The following DLG2 variants were observed in gnomAD, a reference collection of about 807,000 sequenced individuals.
DLG2 encodes disks large homolog 2.
DLG2 carries 45 observed loss-of-function variants against 132.5 expected under a neutral mutation model. The observed-to-expected ratio is 0.34, with a 90% CI of 0.27 to 0.44. The LOEUF (loss-of-function observed/expected upper bound fraction) is 0.44, where lower values mean the gene tolerates loss of function less well. DLG2 is among the 20% of genes least tolerant of loss of function. The pLI is 1.00. For synonymous variants in DLG2, 424 were observed against 419.6 expected, an observed-to-expected ratio of 1.01 and a Z score of -0.13; for missense variants, 1,045 against 1,196.9, an observed-to-expected ratio of 0.87 and a Z score of 1.87.
intron 7 of DLG2, among the ~76,000 whole-genome samples, chr11:84,452,659 G>T (rs1022635618): frequency 4.6e-5 from 7 of 151,608 alleles, no homozygotes; most frequent in Non-Finnish European, 7.4e-5. Flanking sequence ...AAAGAGGAGT[G>T]GCACAGATGA....
chr11:84,999,843 C>G (rs929125881), intron 6 of DLG2, among the ~76,000 whole-genome samples: 3 of 151,980 alleles, frequency 2.0e-5, no homozygotes, highest in African/African-American at 7.3e-5. Flanking sequence ...TTTGCCTAAG[C>G]TTAGGTAAGG....
At chr11:83,776,068 G>T (rs1336140456) in intron 18 of DLG2, among the ~76,000 whole-genome samples, 2 of 151,590 alleles carry the variant, frequency 1.3e-5, no homozygotes. Flanking sequence ...CTCCAGCCTG[G>T]GTGACAGAGC....
In DLG2 at chr11:83,944,010, T is replaced by C. The variant is rs555198969; in HGVS notation, c.1341-13527A>G. On this transcript the variant is annotated intron_variant, in intron 14 of 27. Coordinates refer to ENST00000376104, the MANE Select transcript of DLG2 (RefSeq NM_001142699.3). ...AAATCACCTGCCATATGGTACATAC[T>C]CAGGAAACAACTATATTTATATACC... Among the ~76,000 whole-genome samples the C allele has an allele frequency of 3.3e-5, 5 of 152,312 alleles. No individual in the cohort carries two copies. The East Asian group carries it at 9.6e-4, about 29-fold the overall frequency.
At chr11:85,234,482 G>A (rs543711449) in intron 4 of DLG2, among the ~76,000 whole-genome samples, 3 of 152,042 alleles carry the variant, frequency 2.0e-5, no homozygotes, top group East Asian at 3.9e-4. Context: ...GAACTGCTAC[G>A]TCAAATAGTT....
chr11:84,885,366 C>T (rs901167914), intron 6 of DLG2, among the ~76,000 whole-genome samples: 1 of 151,986 alleles, frequency 6.6e-6, no homozygotes, highest in Non-Finnish European at 1.5e-5. Flanking sequence ...TGGGGTCTTG[C>T]TCTGTCACCC....
At chr11:84,780,195 T>C (rs2071464777) in intron 6 of DLG2, among the ~76,000 whole-genome samples, 1 of 152,122 alleles carries the variant, frequency 6.6e-6, no homozygotes. Flanking sequence ...CATGATCAAA[T>C]GGTTTTTATG....
At chr11:84,207,846 G>T (rs751382182) in intron 8 of DLG2, among the ~76,000 whole-genome samples, 3 of 151,986 alleles carry the variant, frequency 2.0e-5, no homozygotes, top group African/African-American at 7.2e-5. Flanking sequence ...TGTAAGCCAC[G>T]GTCTGGGACA....
chr11:84,703,857 G>GAGATATATATAT (rs1555174775), intron 6 of DLG2, among the ~76,000 whole-genome samples: 1 of 102,714 alleles, frequency 9.7e-6, no homozygotes, highest in African/African-American at 4.1e-5. Context: ...ATGTAGTGAA[G>GAGATATATATAT]ATATATATAT....
chr11:83,941,544 T>C (rs11233824), intron 14 of DLG2, among the ~76,000 whole-genome samples: 31,727 of 151,688 alleles, frequency 0.21, 3,971 homozygotes, highest in African/African-American at 0.35. Context: ...TACAGGTGCG[T>C]GCCCTCATGA....
At chr11:85,445,305 T>C (rs530945096) in intron 3 of DLG2, among the ~76,000 whole-genome samples, 1 of 152,228 alleles carries the variant, frequency 6.6e-6, no homozygotes, top group South Asian at 2.1e-4. Context: ...GTTTAGACTC[T>C]CCCATCTCCT....
At chr11:84,700,382 G>A (rs536115172) in intron 6 of DLG2, among the ~76,000 whole-genome samples, 22 of 151,546 alleles carry the variant, frequency 1.5e-4, no homozygotes, top group Non-Finnish European at 2.7e-4. Flanking sequence ...TCAGTTTCAT[G>A]GGCATGTAAA....
intron 6 of DLG2, among the ~76,000 whole-genome samples, chr11:84,771,184 G>T (rs957863670): frequency 1.3e-5 from 2 of 152,130 alleles, no homozygotes; most frequent in African/African-American, 4.8e-5. Flanking sequence ...AGGACTTTGA[G>T]GAATTGCCAC....
intron 3 of DLG2, among the ~76,000 whole-genome samples, chr11:85,451,178 T>C (rs2153042836): frequency 6.6e-6 from 1 of 152,318 alleles, no homozygotes; most frequent in East Asian, 1.9e-4. Context: ...CTTATTATTG[T>C]CAAAAGTCTA....
chr11:85,523,518 A>G (rs1171311637), intron 3 of DLG2, among the ~76,000 whole-genome samples: 1 of 152,230 alleles, frequency 6.6e-6, no homozygotes, highest in African/African-American at 2.4e-5. Flanking sequence ...AATGAAAATC[A>G]AACTACAATA....
At chr11:83,490,777 T>C (rs1369386269) in intron 21 of DLG2, among the ~76,000 whole-genome samples, 1 of 151,908 alleles carries the variant, frequency 6.6e-6, no homozygotes, top group Non-Finnish European at 1.5e-5. Flanking sequence ...ATGAAAACTA[T>C]AAAATATGTC....
intron 3 of DLG2, among the ~76,000 whole-genome samples, chr11:85,521,454 A>T (rs2074305969): frequency 6.6e-6 from 1 of 152,236 alleles, no homozygotes; most frequent in South Asian, 2.1e-4. Flanking sequence ...TAAATTACCC[A>T]GTCCCAGGCG....
At chr11:85,423,825 T>C (rs2090504208) in intron 3 of DLG2, among the ~76,000 whole-genome samples, 1 of 152,136 alleles carries the variant, frequency 6.6e-6, no homozygotes, top group Non-Finnish European at 1.5e-5. Context: ...TTGGAAAGCA[T>C]GGCTGAGAAC....
chr11:85,137,834 G>T (rs2076225226), intron 5 of DLG2, among the ~76,000 whole-genome samples: 1 of 152,086 alleles, frequency 6.6e-6, no homozygotes, highest in South Asian at 2.1e-4. Flanking sequence ...TAAATAGACT[G>T]CAGGCAGGTC....
intron 3 of DLG2, among the ~76,000 whole-genome samples, chr11:85,317,909 A>T (rs1220176002): frequency 6.6e-6 from 1 of 151,946 alleles, no homozygotes; most frequent in African/African-American, 2.4e-5. Flanking sequence ...ACCTAAAAAA[A>T]AAATAGCACC....
Sources: gnomAD v4.1 joint callset for allele counts (sites outside exome capture counted in the v4.1 genomes callset) on GRCh38, gnomAD v4.1.1 for gene constraint, MANE v1.5 for transcripts, NCBI Gene and HGNC (gene_info 2026-07-23, HGNC 2026-07-21) for gene names.